The following NUDT2 variants were observed in gnomAD, a reference collection of about 807,000 sequenced individuals.
NUDT2 encodes the protein bis(5'-nucleosyl)-tetraphosphatase [asymmetrical].
A neutral mutation model predicts 14.2 loss-of-function variants in NUDT2; 12 were observed. That is an observed-to-expected ratio of 0.84 (90% confidence interval 0.54 to 1.37). The LOEUF is 1.37. Among genes scored for constraint, NUDT2 ranks in the 40% most tolerant of loss-of-function variants. The pLI is 0.00. For missense variants in NUDT2, 167 were observed against 176.7 expected (o/e 0.95, Z 0.31); for synonymous variants, 67 against 67.4 (o/e 0.99, Z 0.03).
At chr9:34,341,615 T>G (rs1261454661) in intron 4 of NUDT2, among the ~76,000 whole-genome samples, 1 of 152,216 alleles carries the variant, frequency 6.6e-6, no homozygotes, top group Non-Finnish European at 1.5e-5. Context: ...GCTCAAGTGA[T>G]TCTCCTGCCT....
chr9:34,330,420 C>A (rs544598101), intron 1 of NUDT2, among the ~76,000 whole-genome samples: 35 of 150,820 alleles, frequency 2.3e-4, no homozygotes, highest in South Asian at 8.3e-4. Context: ...CAAAACAAAA[C>A]AAAAAAAAAC....
chr9:34,331,851 C>G (rs537440469), intron 1 of NUDT2, among the ~76,000 whole-genome samples: 1 of 152,302 alleles, frequency 6.6e-6, no homozygotes, highest in South Asian at 2.1e-4. Flanking sequence ...CCTCCTCCAC[C>G]CAGGCACTCA....
At chr9:34,331,709 T>C (rs1344670984) in intron 1 of NUDT2, among the ~76,000 whole-genome samples, 1 of 152,152 alleles carries the variant, frequency 6.6e-6, no homozygotes, top group Non-Finnish European at 1.5e-5. Context: ...AAAAAGTAAA[T>C]TCCCACCTTG....
chr9:34,338,356 A>AAAAAAAAAAAAAAAAAAAAAG (rs1838150541), intron 2 of NUDT2, among the ~76,000 whole-genome samples: 1 of 137,958 alleles, frequency 7.2e-6, no homozygotes, highest in Non-Finnish European at 1.6e-5. Context: ...AAAAAAAAAA[A>AAAAAAAAAAAAAAAAAAAAAG]ATTGGCCAGG....
At chr9:34,342,633 C>G (rs1044347171) in intron 4 of NUDT2, among the ~76,000 whole-genome samples, 7 of 152,094 alleles carry the variant, frequency 4.6e-5, no homozygotes, top group Non-Finnish European at 1.0e-4. Flanking sequence ...TGCTCAAACC[C>G]CGAGAACTAG....
At position 34,343,458 on chromosome 9, in the gene NUDT2, C is replaced by A; in HGVS notation, c.*18C>A. ...AGGCCTGAGCTGACTGGAGCAGAGT[C>A]ATTTGCTTCAGCAGGATCCTTGTGG... On this transcript the variant is annotated 3_prime_UTR_variant, in exon 5 of 5. Transcript: ENST00000379158. The A allele has an allele frequency of 1.3e-6, 2 of 1,542,346 alleles. No individual in the cohort carries two copies. Among genetic ancestry groups the A allele is most frequent in the African/African-American group, 1.4e-5 (1 of 73,040 alleles).
chr9:34,341,039 G>A (rs541858420), intron 4 of NUDT2, among the ~76,000 whole-genome samples: 116 of 152,240 alleles, frequency 7.6e-4, no homozygotes, highest in African/African-American at 2.7e-3. Context: ...AGGATTGAAG[G>A]AAAACAAGGA....
chr9:34,332,384 A>C (rs11787826), intron 1 of NUDT2, among the ~76,000 whole-genome samples: 53,271 of 151,998 alleles, frequency 0.35, 10,784 homozygotes, highest in South Asian at 0.57. Flanking sequence ...CACAAAACAC[A>C]CTGTAACTTG....
rs1587994841 is a variant in NUDT2 at position 34,343,337 on chromosome 9, A to T, written c.341A>T (p.Tyr114Phe). The T allele has an allele frequency of 2.5e-6, 4 of 1,613,786 alleles. No homozygotes were observed. Among genetic ancestry groups the T allele is most frequent in the Middle Eastern group, 1.7e-4 (1 of 6,058 alleles). ...EIRLSHEHQA[Y>F]RWLGLEEACQ... ...CGCCTCTCCCATGAGCACCAAGCCT[A>T]CCGCTGGCTGGGGCTGGAGGAGGCC... The change falls in exon 5 of 5, where the codon TAC (tyrosine) becomes TTC (phenylalanine). Residue 114 changes from tyrosine (Y) to phenylalanine (F), a missense_variant. Coordinates refer to ENST00000379158, the MANE Select transcript of NUDT2 (RefSeq NM_001161.5).
intron 2 of NUDT2, among the ~76,000 whole-genome samples, chr9:34,338,413 T>A (rs1293140817): frequency 8.5e-6 from 1 of 117,620 alleles, no homozygotes; most frequent in Non-Finnish European, 1.7e-5. Flanking sequence ...GAGGTTGAGG[T>A]GGGAGGTTTG....
At chr9:34,342,060 G>T (rs1157634098) in intron 4 of NUDT2, among the ~76,000 whole-genome samples, 1 of 152,190 alleles carries the variant, frequency 6.6e-6, no homozygotes, top group Non-Finnish European at 1.5e-5. Flanking sequence ...GCTGAGAGCT[G>T]CTCCAGTCTG....
chr9:34,331,040 C>T (rs1163343397), intron 1 of NUDT2, among the ~76,000 whole-genome samples: 1 of 152,032 alleles, frequency 6.6e-6, no homozygotes, highest in Non-Finnish European at 1.5e-5. Flanking sequence ...CTTTTTGTAA[C>T]TGAGTACCCA....
At chr9:34,336,754 G>A (rs935330713) in intron 2 of NUDT2, among the ~76,000 whole-genome samples, 1 of 151,802 alleles carries the variant, frequency 6.6e-6, no homozygotes, top group African/African-American at 2.4e-5. Flanking sequence ...GTGTTGTCCG[G>A]ACTGGTCTCA....
chr9:34,336,994 A>G (rs561218716), intron 2 of NUDT2, among the ~76,000 whole-genome samples: 16 of 122,888 alleles, frequency 1.3e-4, no homozygotes, highest in African/African-American at 4.3e-4. Context: ...TTATATGTAC[A>G]TCTTTTTTTT....
chr9:34,333,262 C>G (rs1303381536), intron 1 of NUDT2, among the ~76,000 whole-genome samples: 1 of 152,122 alleles, frequency 6.6e-6, no homozygotes, highest in African/African-American at 2.4e-5. Flanking sequence ...CCTCTCCCCC[C>G]AACTAAAACC....
At chr9:34,338,944 C>T in intron 3 of NUDT2, 80 bp from the exon 4 acceptor site, 4 of 1,208,998 alleles carry the variant, frequency 3.3e-6, no homozygotes, top group African/African-American at 1.5e-5. Flanking sequence ...GCATTACTGT[C>T]CATCACCAGA....
intron 4 of NUDT2, among the ~76,000 whole-genome samples, chr9:34,340,537 GGAA>G (rs1820160658): frequency 6.6e-6 from 1 of 152,224 alleles, no homozygotes; most frequent in Non-Finnish European, 1.5e-5. Flanking sequence ...GTCTCCAGTG[GGAA>G]GAACAGTGAA....
At chr9:34,336,938 G>T (rs1483892807) in intron 2 of NUDT2, among the ~76,000 whole-genome samples, 1 of 150,554 alleles carries the variant, frequency 6.6e-6, no homozygotes, top group Admixed American at 6.6e-5. Flanking sequence ...TTTGTTTCTG[G>T]CTCTTTTCCT....
chr9:34,335,617 G>A (rs1173559376), intron 1 of NUDT2, among the ~76,000 whole-genome samples: 8 of 152,218 alleles, frequency 5.3e-5, no homozygotes, highest in Non-Finnish European at 1.2e-4. Context: ...GCTGGCTCAA[G>A]CCAAGCAATT....
Sources: allele counts gnomAD v4.1 joint callset (sites outside exome capture counted in the v4.1 genomes callset), GRCh38; gene constraint gnomAD v4.1.1; transcripts MANE v1.5; gene names NCBI Gene and HGNC (gene_info 2026-07-23, HGNC 2026-07-21).